FAM89A: variants seen among roughly 807,000 people sequenced by gnomAD.
The protein encoded by FAM89A is protein FAM89A.
Under a neutral mutation model 7.1 loss-of-function variants are expected in FAM89A, and 10 were observed. The observed-to-expected ratio is 1.40, with a 90% CI of 0.86 to 2.38. The LOEUF is 2.38. Among genes scored for constraint, FAM89A ranks in the 30% most tolerant of loss-of-function variants. The pLI is 0.00. For missense variants in FAM89A, 276 were observed against 262.8 expected (o/e 1.05, Z -0.35); for synonymous variants, 157 against 129.3 (o/e 1.21, Z -1.45).
chr1:231,021,940 C>A, intron 1 of FAM89A: 1 of 1,444,042 alleles, frequency 6.9e-7, no homozygotes, highest in Non-Finnish European at 9.7e-7. Flanking sequence ...ATGTGACTAC[C>A]CACACTTCCA....
At chr1:231,021,633 G>A in intron 1 of FAM89A, 9 of 1,547,054 alleles carry the variant, frequency 5.8e-6, no homozygotes, top group Non-Finnish European at 8.0e-6. Flanking sequence ...AAGCGTCGAG[G>A]TGGAGCAATA....
rs537878665 is a variant in FAM89A, at chr1:231,026,957, A to C, written c.292-6831T>G. 47 of 152,330 alleles carry C rather than the reference A, an allele frequency of 3.1e-4. 1 individual carries two copies. Among genetic ancestry groups the C allele is most frequent in the African/African-American group, 1.1e-3 (47 of 41,568 alleles). 9.4% of individuals were successfully genotyped at this position (152,330 alleles called of 1,614,324 possible). On this transcript the variant is annotated intron_variant, in intron 1 of 1. Transcript: ENST00000366654. ...TCTCCTGCTGAGTCCCTCTGACACC[A>C]GTAGGGTGGGTAAACCCAAGACTCG... is the stretch of plus-strand genomic sequence containing the variant.
At chr1:231,024,950 T>C (rs1477549233) in intron 1 of FAM89A, among the ~76,000 whole-genome samples, 1 of 121,152 alleles carries the variant, frequency 8.3e-6, no homozygotes, top group Non-Finnish European at 1.6e-5. Context: ...TGAGACAGAG[T>C]CTTGCTCTGT....
At chr1:231,038,716 T>TA (rs2103078369) in intron 1 of FAM89A, among the ~76,000 whole-genome samples, 1 of 152,346 alleles carries the variant, frequency 6.6e-6, no homozygotes, top group East Asian at 1.9e-4. Context: ...TCTCTTTGAT[T>TA]AAAAGTGTTA....
chr1:231,039,778 G>T (rs1292214058), intron 1 of FAM89A, 143 bp downstream of exon 1: 2 of 831,324 alleles, frequency 2.4e-6, no homozygotes, highest in Non-Finnish European at 3.2e-6. Context: ...GGGTCGTTGG[G>T]AGGACGGCGC....
At chr1:231,020,361 C>G (rs183793922) in intron 1 of FAM89A, among the ~76,000 whole-genome samples, 4 of 152,230 alleles carry the variant, frequency 2.6e-5, no homozygotes, top group East Asian at 1.9e-4. Context: ...GTGGGGCAAC[C>G]AGGGCAGCCT....
At chr1:231,021,903 A>T in intron 1 of FAM89A, 1 of 1,554,872 alleles carries the variant, frequency 6.4e-7, no homozygotes, top group East Asian at 2.2e-5. Context: ...AGTGACGATG[A>T]GTTGTTGTCC....
chr1:231,027,371 C>G (rs1005272925), intron 1 of FAM89A, among the ~76,000 whole-genome samples: 17 of 152,144 alleles, frequency 1.1e-4, no homozygotes, highest in Admixed American at 2.6e-4. Flanking sequence ...AGGAATACAG[C>G]GCAGCCCCGC....
At chr1:231,022,015 C>A in intron 1 of FAM89A, 1 of 1,331,548 alleles carries the variant, frequency 7.5e-7, no homozygotes, top group Non-Finnish European at 1.1e-6. Flanking sequence ...GTCCTATCTG[C>A]ATGGACAGAT....
intron 1 of FAM89A, among the ~76,000 whole-genome samples, chr1:231,031,440 G>C (rs1013886224): frequency 7.9e-5 from 12 of 152,120 alleles, no homozygotes; most frequent in African/African-American, 2.7e-4. Flanking sequence ...ACTTTGAATG[G>C]ATCTTTTAAT....
At chr1:231,034,554 T>C (rs1170397531) in intron 1 of FAM89A, among the ~76,000 whole-genome samples, 1 of 151,760 alleles carries the variant, frequency 6.6e-6, no homozygotes, top group Non-Finnish European at 1.5e-5. Context: ...GGGCGGATCA[T>C]CTGAGGTCAG....
chr1:231,021,837 C>T lies in FAM89A; in HGVS notation c.292-1711G>A, dbSNP rs373252129. ...GTGATTGTTGACAAAAGAAGAAGAC[C>T]AAGGAGGAATGCTAGGAGGCTGCCC... On this transcript the variant is annotated intron_variant, in intron 1 of 1. Transcript: ENST00000366654. 8 of 1,598,588 alleles carry T rather than the reference C, an allele frequency of 5.0e-6. No individual in the cohort carries two copies. The African/African-American group carries it at 8.0e-5, about 16-fold the overall frequency.
chr1:231,040,050 G>T lies in FAM89A; in HGVS notation c.162C>A (p.Tyr54Ter). 2.8e-6 allele frequency: 4 copies of T among 1,447,102 alleles called. No individual in the cohort carries two copies. Among genetic ancestry groups the T allele is most frequent in the Non-Finnish European group, 2.7e-6 (3 of 1,102,834 alleles). 89.6% of individuals were successfully genotyped at this position (1,447,102 alleles called of 1,614,324 possible). ...SGGWRHLERL[Y>*]AQKSRIQDEL... ...CGTCCTGGATGCGCGACTTCTGCGC[G>T]TACAGCCGCTCCAGGTGCCGCCAGC... Residue 54 changes from tyrosine to a stop codon, truncating the protein, a stop_gained, in exon 1 of 2, where the codon TAC becomes TAA. Coordinates refer to ENST00000366654, the MANE Select transcript of FAM89A (RefSeq NM_198552.3). LOFTEE classifies it high-confidence loss of function.
At position 231,040,089 on chromosome 1, in the gene FAM89A, G is replaced by A. The variant is rs562456714; in HGVS notation, c.123C>T (p.Gly41=). Residue 41 remains glycine, a synonymous_variant, in exon 1 of 2, where the codon GGC becomes GGT. Transcript: ENST00000366654. The stretch of plus-strand genomic sequence containing the variant: ...GGTGCCGCCAGCCCCCAGACGCGCC[G>A]CCGCCCGACGCCGAGTGCAGCAGCC... ...LSGLLHSASG[G]GASGGWRHLE... 9 of 1,437,870 alleles carry A rather than the reference G, an allele frequency of 6.3e-6. No homozygotes were observed. The Middle Eastern group carries it at 1.0e-3, about 160-fold the overall frequency. 89.1% of individuals were successfully genotyped at this position (1,437,870 alleles called of 1,614,324 possible).
At chr1:231,030,696 G>C (rs1210194143) in intron 1 of FAM89A, among the ~76,000 whole-genome samples, 1 of 152,088 alleles carries the variant, frequency 6.6e-6, no homozygotes, top group Non-Finnish European at 1.5e-5. Flanking sequence ...TAAAATAGCA[G>C]ACTTCAAATG....
intron 1 of FAM89A, 124 bp from the exon 2 acceptor site, chr1:231,020,250 G>A: frequency 9.8e-7 from 1 of 1,021,764 alleles, no homozygotes; most frequent in Non-Finnish European, 1.4e-6. Flanking sequence ...ATGATTCAGA[G>A]CATCACTCGG....
At chr1:231,020,235 G>T in intron 1 of FAM89A, 109 bp from the exon 2 acceptor site, 1 of 1,152,920 alleles carries the variant, frequency 8.7e-7, no homozygotes, top group Non-Finnish European at 1.2e-6. Context: ...CCTTCCACAC[G>T]GCGCATGATT....
chr1:231,035,326 G>A (rs1293681533), intron 1 of FAM89A, among the ~76,000 whole-genome samples: 1 of 152,136 alleles, frequency 6.6e-6, no homozygotes, highest in African/African-American at 2.4e-5. Context: ...AGTTCTGTGT[G>A]GATGACTTCC....
At chr1:231,028,477 G>A (rs1680009898) in intron 1 of FAM89A, 1 of 152,028 alleles carries the variant, frequency 6.6e-6, no homozygotes, top group Admixed American at 6.6e-5. Flanking sequence ...AAAAAGAGTG[G>A]CTGGGGAGCC....
Sources: gnomAD v4.1 joint callset for allele counts (sites outside exome capture counted in the v4.1 genomes callset) on GRCh38, gnomAD v4.1.1 for gene constraint, MANE v1.5 for transcripts, NCBI Gene and HGNC (gene_info 2026-07-23, HGNC 2026-07-21) for gene names.